STX12: variants seen among roughly 807,000 people sequenced by gnomAD.
STX12 encodes syntaxin 12.
STX12 carries 17 observed loss-of-function variants against 42.2 expected under a neutral mutation model. That is an observed-to-expected ratio of 0.40 (90% CI 0.28 to 0.60). The LOEUF is 0.60. STX12 is among the 20% of genes least tolerant of loss of function. The probability of loss-of-function intolerance (pLI) is 0.39; values close to 1 mark genes in which losing one functional copy is unlikely to be tolerated. For missense variants in STX12, 297 were observed against 330.9 expected (o/e 0.90, Z 0.79); for synonymous variants, 108 against 116.7 (o/e 0.93, Z 0.48).
chr1:27,780,209 G>GTTTTTT (rs199499561), intron 1 of STX12, among the ~76,000 whole-genome samples: 4 of 125,954 alleles, frequency 3.2e-5, no homozygotes, highest in African/African-American at 9.3e-5. Context: ...TTCTTTGCTT[G>GTTTTTT]TTTTTTTTTT....
chr1:27,821,556 GC>G (rs973480353), intron 8 of STX12, among the ~76,000 whole-genome samples: 12 of 143,944 alleles, frequency 8.3e-5, no homozygotes, highest in Admixed American at 4.0e-4. Flanking sequence ...CCCTCCGCTT[GC>G]TGTATTTTTT....
chr1:27,818,651 C>T (rs1421729487), intron 7 of STX12, among the ~76,000 whole-genome samples: 3 of 147,868 alleles, frequency 2.0e-5, no homozygotes, highest in Non-Finnish European at 4.5e-5. Context: ...TTTTTTGAGA[C>T]GGAGTTTTGC....
chr1:27,810,579 G>A (rs957386919), intron 5 of STX12, among the ~76,000 whole-genome samples: 5 of 152,262 alleles, frequency 3.3e-5, no homozygotes, highest in Admixed American at 6.5e-5. Context: ...GAACCTACAT[G>A]TCTACAGATT....
At chr1:27,804,074 A>G (rs556608734) in intron 4 of STX12, among the ~76,000 whole-genome samples, 3 of 152,316 alleles carry the variant, frequency 2.0e-5, no homozygotes, top group African/African-American at 7.2e-5. Context: ...ATACAACTCA[A>G]TAGAACAAAA....
chr1:27,789,816 T>C (rs1294751175), intron 2 of STX12, among the ~76,000 whole-genome samples, 185 bp downstream of exon 2: 2 of 152,236 alleles, frequency 1.3e-5, no homozygotes, highest in Non-Finnish European at 1.5e-5. Context: ...TAATTTCCGT[T>C]GCCTTTCAAA....
intron 4 of STX12, 150 bp downstream of exon 4, chr1:27,801,965 A>G (rs1403157002): frequency 5.4e-6 from 4 of 746,150 alleles, no homozygotes; most frequent in East Asian, 3.3e-5. Flanking sequence ...AAAAACATAT[A>G]TGCATGTGAT....
intron 3 of STX12, among the ~76,000 whole-genome samples, chr1:27,799,028 T>C (rs2088808976): frequency 6.6e-6 from 1 of 152,172 alleles, no homozygotes; most frequent in African/African-American, 2.4e-5. Flanking sequence ...ATTTAAAAGT[T>C]ATGATAATAT....
At chr1:27,809,370 A>T (rs978090934) in intron 4 of STX12, among the ~76,000 whole-genome samples, 10 of 151,388 alleles carry the variant, frequency 6.6e-5, no homozygotes, top group African/African-American at 2.4e-4. Flanking sequence ...AGGTTAGTTT[A>T]TGTGTGTTTA....
chr1:27,805,896 T>C (rs1271337925), intron 4 of STX12, among the ~76,000 whole-genome samples: 1 of 152,206 alleles, frequency 6.6e-6, no homozygotes, highest in African/African-American at 2.4e-5. Context: ...GTTAGTTGCA[T>C]TGTACAATCT....
At chr1:27,785,860 G>A (rs1336920526) in intron 1 of STX12, among the ~76,000 whole-genome samples, 1 of 152,178 alleles carries the variant, frequency 6.6e-6, no homozygotes. Context: ...GTTCCCATAG[G>A]TGCCAGGGAG....
rs577028792 is a variant in STX12 at position 27,776,478 on chromosome 1, C to G, written c.118+3053C>G. ...CCTGTAATCCCAGCACTTTAGGAGG[C>G]CAAAGAGGGAGGATTACTTGAGGCC... On this transcript the variant is annotated intron_variant, in intron 1 of 8. Coordinates refer to ENST00000373943, the MANE Select transcript of STX12 (RefSeq NM_177424.3). Among the ~76,000 whole-genome samples the G allele has an allele frequency of 7.9e-5, 12 of 152,114 alleles. No homozygotes were observed. In the South Asian group the frequency reaches 2.3e-3, roughly 29 times the overall value.
At chr1:27,810,975 G>A (rs561722860) in intron 5 of STX12, among the ~76,000 whole-genome samples, 1 of 152,022 alleles carries the variant, frequency 6.6e-6, no homozygotes, top group Admixed American at 6.6e-5. Context: ...AAATTTCAAA[G>A]TGTTTTATAT....
chr1:27,776,044 T>A (rs1235009873), intron 1 of STX12, among the ~76,000 whole-genome samples: 3 of 152,100 alleles, frequency 2.0e-5, no homozygotes, highest in Non-Finnish European at 4.4e-5. Flanking sequence ...AGGGAGAGAC[T>A]GGAATCAGAG....
At chr1:27,792,009 A>C (rs1434895722) in intron 2 of STX12, among the ~76,000 whole-genome samples, 2 of 145,122 alleles carry the variant, frequency 1.4e-5, no homozygotes, top group African/African-American at 5.0e-5. Flanking sequence ...TAATATAAAT[A>C]TAGTATATAA....
rs147329568 is a variant in STX12 at position 27,806,796 on chromosome 1, C to G, written c.427-3450C>G. On this transcript the variant is annotated intron_variant, in intron 4 of 8. Coordinates refer to ENST00000373943, the MANE Select transcript of STX12 (RefSeq NM_177424.3). ...GGCTGGATAGGCCTCAGGAAACTTA[C>G]AACCATGGTAGAAAGCTAAGGGGAG... is the stretch of plus-strand genomic sequence containing the variant. 6.8e-3 allele frequency among the ~76,000 whole-genome samples: 1,034 copies of G among 152,240 alleles called. 6 individuals carry two copies. The highest frequency in any genetic ancestry group is 0.01 in the Non-Finnish European group (714 of 68,006).
At chr1:27,800,007 T>TG (rs66625294) in intron 3 of STX12, among the ~76,000 whole-genome samples, 152,394 of 152,396 alleles carry the variant, frequency 1, 76,196 homozygotes, top group Non-Finnish European at 1. Context: ...CCACCCACCT[T>TG]GCCTTCCAAA....
At chr1:27,792,241 T>G (rs1477308213) in intron 2 of STX12, among the ~76,000 whole-genome samples, 6 of 125,822 alleles carry the variant, frequency 4.8e-5, no homozygotes, top group African/African-American at 1.9e-4. Flanking sequence ...CATATATATG[T>G]ATCTATATAT....
intron 1 of STX12, among the ~76,000 whole-genome samples, chr1:27,784,948 A>G (rs2088690221): frequency 6.6e-6 from 1 of 151,986 alleles, no homozygotes; most frequent in African/African-American, 2.4e-5. Flanking sequence ...AATTTAGGTC[A>G]TCCCAACAAA....
chr1:27,819,597 C>A, intron 7 of STX12, 53 bp from the exon 8 acceptor site: 2 of 1,479,508 alleles, frequency 1.4e-6, no homozygotes, highest in Admixed American at 1.8e-5. Context: ...GTTCAATTTG[C>A]AGTCTTAAAA....
Sources: allele counts gnomAD v4.1 joint callset (sites outside exome capture counted in the v4.1 genomes callset), GRCh38; gene constraint gnomAD v4.1.1; transcripts MANE v1.5; gene names NCBI Gene and HGNC (gene_info 2026-07-23, HGNC 2026-07-21).